CHERP: variants seen among roughly 807,000 people sequenced by gnomAD.
The protein encoded by CHERP is calcium homeostasis endoplasmic reticulum protein.
Under a neutral mutation model 113.8 loss-of-function variants are expected in CHERP, and 8 were observed. The ratio of observed to expected loss-of-function variants is 0.07; its 90% confidence interval spans 0.04 to 0.13. The LOEUF (loss-of-function observed/expected upper bound fraction) is 0.13. Ranked by LOEUF, CHERP falls within the 10% of genes least tolerant of loss-of-function variation. The pLI, the probability that CHERP is intolerant of heterozygous loss-of-function variation, is 1.00. For synonymous variants in CHERP, 559 were observed against 524.5 expected (o/e 1.07, Z -0.90); for missense variants, 884 against 1,298.2 (o/e 0.68, Z 4.90).
At position 16,518,850 on chromosome 19, in the gene CHERP, T is replaced by C. The variant is rs2085575718; in HGVS notation, c.*309A>G. 2.7e-6 allele frequency: 1 copy of C among 372,910 alleles called. No individual in the cohort carries two copies. The highest frequency in any genetic ancestry group is 2.1e-5 in the African/African-American group (1 of 46,698). 23.1% of individuals were successfully genotyped at this position (372,910 alleles called of 1,614,324 possible). On this transcript the variant is annotated 3_prime_UTR_variant, in exon 17 of 17. Transcript: ENST00000546361. ...TTAGGGCAGATGCACATCCATCCCTTCGTGGCTGAAGAATTTACTCGGGCG... is the reference window on the plus strand; with the variant it reads ...TTAGGGCAGATGCACATCCATCCCTCCGTGGCTGAAGAATTTACTCGGGCG...
rs1469978302 is a variant in CHERP, at chr19:16,523,900, G to A, written c.1742-610C>T. On this transcript the variant is annotated intron_variant, in intron 10 of 16. Coordinates refer to ENST00000546361, the MANE Select transcript of CHERP (RefSeq NM_006387.6). This position sits in a 1 kb window ranked among gnomAD's most constrained non-coding sequence, Gnocchi z 4.0. ...TTATCATGTCAGCCCAAGCCAAAAA[G>A]TAAAAGCAATAAATGTGCCAAGCGG... 6.6e-6 allele frequency among the ~76,000 whole-genome samples: 1 copy of A among 152,186 alleles called. No homozygotes were observed. The highest frequency in any genetic ancestry group is 2.4e-5 in the African/African-American group (1 of 41,442).
chr19:16,525,382 T>A lies in CHERP; in HGVS notation c.1601A>T (p.Gln534Leu). 6 of 1,498,948 alleles carry A rather than the reference T, an allele frequency of 4.0e-6. No individual in the cohort carries two copies. Among genetic ancestry groups the A allele is most frequent in the Non-Finnish European group, 5.3e-6 (6 of 1,124,166 alleles). The allele number at this position is 1,498,948 out of a possible 1,614,324, so 92.9% of individuals were successfully genotyped here. A position where few individuals can be genotyped will look rare whatever the true frequency, so the allele number is the denominator to read the frequency against. ...GPFPPHQQHP[Q>L]FNQPPHPHNF... ...GTGGGGGTGCGGAGGCTGGTTGAAC[T>A]GCGGGTGCTGCTGGTGGGGCGGGAA... Residue 534 changes from glutamine (Q) to leucine (L), a missense_variant, in exon 10 of 17, where the codon CAG becomes CTG. By Grantham distance (113) the Gln-to-Leu change is moderately radical. This residue lies in a region of CHERP where 464 missense variants were observed against 590.1 expected (regional missense o/e 0.79). Coordinates refer to ENST00000546361, the MANE Select transcript of CHERP (RefSeq NM_006387.6). The surrounding 1 kb of genome is among the most constrained non-coding windows in gnomAD (Gnocchi z 6.5).
rs1182333228 is a variant in CHERP at position 16,525,171 on chromosome 19, G to A, written c.1741+71C>T. On this transcript the variant is annotated intron_variant, in intron 10 of 16. Coordinates refer to ENST00000546361, the MANE Select transcript of CHERP (RefSeq NM_006387.6). The surrounding 1 kb of genome is among the most constrained non-coding windows in gnomAD (Gnocchi z 6.5). ...GGAGCATGGCAGGGCCACAAGCAGCGCCACCAGCCTGCTCGGCAGGCGAGC... is the reference window on the plus strand; with the variant it reads ...GGAGCATGGCAGGGCCACAAGCAGCACCACCAGCCTGCTCGGCAGGCGAGC... The A allele has an allele frequency of 1.5e-5, 20 of 1,313,760 alleles. No homozygotes were observed. Among genetic ancestry groups the A allele is most frequent in the Non-Finnish European group, 2.0e-5 (20 of 1,005,562 alleles). The allele number at this position is 1,313,760 out of a possible 1,614,324, so 81.4% of individuals were successfully genotyped here. A position where few individuals can be genotyped will look rare whatever the true frequency, so the allele number is the denominator to read the frequency against.
chr19:16,525,450 C>T lies in CHERP; in HGVS notation c.1533G>A (p.Glu511=), dbSNP rs753956967. 3 of 1,541,870 alleles carry T rather than the reference C, an allele frequency of 1.9e-6. No individual in the cohort carries two copies. Among genetic ancestry groups the T allele is most frequent in the Admixed American group, 2.0e-5 (1 of 49,980 alleles). ...EQPPWGGGQR[E]PPFRMQRPPH... ...GGGGCCGCTGCATGCGGAAGGGTGG[C>T]TCGCGCTGGCCCCCGCCCCAGGGCG... The change falls in exon 10 of 17, where the codon GAG becomes GAA. Residue 511 remains glutamate, a synonymous_variant. Coordinates refer to ENST00000546361, the MANE Select transcript of CHERP (RefSeq NM_006387.6). The surrounding 1 kb of genome is among the most constrained non-coding windows in gnomAD (Gnocchi z 6.5).
Position 16,521,645 on chromosome 19 carries a change from G to C in CHERP, c.1990C>G (p.His664Asp). The change falls in exon 12 of 17, where the codon CAC (histidine) becomes GAC (aspartate). Residue 664 changes from histidine (H) to aspartate (D), a missense_variant. Coordinates refer to ENST00000546361, the MANE Select transcript of CHERP (RefSeq NM_006387.6). ...TTAGGGTCCAAAGGCTTGTACTCGT[G>C]ATCTTCCAGCTGCAGCAGAGAACCC... ...LMAPLVKLEDHEYKPLDPKDI... is the reference protein window; with the variant it reads ...LMAPLVKLEDDEYKPLDPKDI... The C allele has an allele frequency of 6.3e-7, 1 of 1,586,146 alleles. No individual in the cohort carries two copies. The highest frequency in any genetic ancestry group is 8.6e-7 in the Non-Finnish European group (1 of 1,163,846).
chr19:16,533,614 G>GT (rs1168790026), intron 3 of CHERP, among the ~76,000 whole-genome samples: 8 of 152,096 alleles, frequency 5.3e-5, no homozygotes, highest in Admixed American at 1.3e-4. Flanking sequence ...ATACAAATTA[G>GT]TTGAGCATGG....
rs1250168448 is a variant in CHERP at position 16,525,391 on chromosome 19, T to C, written c.1592A>G (p.Gln531Arg). 6 of 1,503,054 alleles carry C rather than the reference T, an allele frequency of 4.0e-6. No individual in the cohort carries two copies. The highest frequency in any genetic ancestry group is 4.4e-6 in the Non-Finnish European group (5 of 1,125,976). 93.1% of individuals were successfully genotyped at this position (1,503,054 alleles called of 1,614,324 possible). ...HFRGPFPPHQ[Q>R]HPQFNQPPHP... ...CGGAGGCTGGTTGAACTGCGGGTGC[T>C]GCTGGTGGGGCGGGAAGGGCCCCCG... The change falls in exon 10 of 17, where the codon CAG (glutamine) becomes CGG (arginine). Residue 531 changes from glutamine to arginine, a missense_variant. Physicochemically the swap from Gln to Arg is conservative, Grantham distance 43. Around this residue, in one of 8 missense-constraint regions of CHERP, gnomAD observed 464 missense variants for 590.1 expected, o/e 0.79. Transcript: ENST00000546361. This position sits in a 1 kb window ranked among gnomAD's most constrained non-coding sequence, Gnocchi z 6.5.
In CHERP at chr19:16,532,443, G is replaced by A. The variant is rs1222979885; in HGVS notation, c.674+155C>T. On this transcript the variant is annotated intron_variant, in intron 5 of 16. Coordinates refer to ENST00000546361, the MANE Select transcript of CHERP (RefSeq NM_006387.6). This position sits in a 1 kb window ranked among gnomAD's most constrained non-coding sequence, Gnocchi z 4.4. ...CAGTCCTGGAGACAGAAGCCTGGTG[G>A]CTCACAGAGACCCCCCACCCGGGGT... The A allele has an allele frequency of 2.3e-6, 2 of 853,818 alleles. No individual in the cohort carries two copies. The allele number at this position is 853,818 out of a possible 1,614,324, so 52.9% of individuals were successfully genotyped here.
In CHERP at chr19:16,535,383, T is replaced by C; in HGVS notation, c.384+69A>G. ...CACTGACACCTGTTATTCATTCTGATGAGCAGACGCAAAAACAGAGGCACA... is the reference window on the plus strand; with the variant it reads ...CACTGACACCTGTTATTCATTCTGACGAGCAGACGCAAAAACAGAGGCACA... On this transcript the variant is annotated intron_variant, in intron 3 of 16. Transcript: ENST00000546361. This position sits in a 1 kb window ranked among gnomAD's most constrained non-coding sequence, Gnocchi z 4.3. The C allele has an allele frequency of 6.6e-7, 1 of 1,518,258 alleles. No individual in the cohort carries two copies. The highest frequency in any genetic ancestry group is 8.9e-7 in the Non-Finnish European group (1 of 1,121,392). 94.0% of individuals were successfully genotyped at this position (1,518,258 alleles called of 1,614,324 possible). A position where few individuals can be genotyped will look rare whatever the true frequency, so the allele number is the denominator to read the frequency against.
chr19:16,520,330 C>T lies in CHERP; in HGVS notation c.2345+34G>A, dbSNP rs373341048. On this transcript the variant is annotated intron_variant, in intron 14 of 16. Coordinates refer to ENST00000546361, the MANE Select transcript of CHERP (RefSeq NM_006387.6). This position sits in a 1 kb window ranked among gnomAD's most constrained non-coding sequence, Gnocchi z 4.0. ...GTCGTGGGGAGGCCACAGGAAGAGGCCTCAGGCACTGCCCTGAGGCAGCCT... is the reference window on the plus strand; with the variant it reads ...GTCGTGGGGAGGCCACAGGAAGAGGTCTCAGGCACTGCCCTGAGGCAGCCT... 5.1e-5 allele frequency: 82 copies of T among 1,611,484 alleles called. No individual in the cohort carries two copies. The highest frequency in any genetic ancestry group is 4.2e-5 in the Non-Finnish European group (49 of 1,178,388).
intron 2 of CHERP, among the ~76,000 whole-genome samples, chr19:16,538,765 C>T (rs926197747): frequency 2.6e-5 from 4 of 152,034 alleles, no homozygotes; most frequent in Non-Finnish European, 5.9e-5. Context: ...ATAATGGCAC[C>T]AGCTTCCAAG....
Sources: allele counts gnomAD v4.1 joint callset (sites outside exome capture counted in the v4.1 genomes callset), GRCh38; gene constraint gnomAD v4.1.1; regional missense constraint gnomAD v4.1.1; non-coding constraint Gnocchi (gnomAD v3.1); transcripts MANE v1.5; gene names NCBI Gene and HGNC (gene_info 2026-07-23, HGNC 2026-07-21).